The following PAAF1 variants were observed in gnomAD, a reference collection of about 807,000 sequenced individuals.
The protein encoded by PAAF1 is proteasomal ATPase associated factor 1.
PAAF1 carries 46 observed loss-of-function variants against 52.8 expected under a neutral mutation model. That is an observed-to-expected ratio of 0.87 (90% CI 0.69 to 1.11). PAAF1 has a LOEUF of 1.11. Ranked by LOEUF, PAAF1 falls within the 50% of genes most tolerant of loss-of-function variation. PAAF1 has a pLI of 0.00. For missense variants in PAAF1, 424 were observed against 477.4 expected, an observed-to-expected ratio of 0.89 and a Z score of 1.04; for synonymous variants, 178 against 172.8, an observed-to-expected ratio of 1.03 and a Z score of -0.24.
intron 9 of PAAF1, among the ~76,000 whole-genome samples, chr11:73,918,665 A>T (rs1464076449): frequency 6.6e-6 from 1 of 151,884 alleles, no homozygotes; most frequent in Admixed American, 6.6e-5. Flanking sequence ...GTTAAGTGAA[A>T]AGTTTAACAT....
intron 6 of PAAF1, among the ~76,000 whole-genome samples, chr11:73,904,646 G>C (rs1949711120): frequency 6.6e-6 from 1 of 151,646 alleles, no homozygotes; most frequent in Non-Finnish European, 1.5e-5. Flanking sequence ...TTTTTTTTCG[G>C]AGATCTGAGT....
chr11:73,900,344 G>A lies in PAAF1; in HGVS notation c.456G>A (p.Gly152=). ...CATCAGGCCTTGTGGTCCTGAGTGG[G>A]GGAATGGATGCCCAGCTGAAGATAT... is the stretch of plus-strand genomic sequence containing the variant. The part of the protein sequence containing the change: ...FFPSGLVVLS[G]GMDAQLKIWS... Residue 152 remains glycine, a synonymous_variant, in exon 6 of 12, where the codon GGG becomes GGA. Transcript: ENST00000310571. 6.2e-7 allele frequency: 1 copy of A among 1,613,036 alleles called. No homozygotes were observed. The highest frequency in any genetic ancestry group is 8.5e-7 in the Non-Finnish European group (1 of 1,179,218).
chr11:73,925,305 G>T (rs1950324392), intron 11 of PAAF1, among the ~76,000 whole-genome samples: 1 of 150,944 alleles, frequency 6.6e-6, no homozygotes, highest in Non-Finnish European at 1.5e-5. Flanking sequence ...AAAAAATACA[G>T]AAAAATTAGC....
At chr11:73,879,052 A>G (rs1948821395) in intron 2 of PAAF1, 2 of 333,534 alleles carry the variant, frequency 6.0e-6, no homozygotes, top group East Asian at 4.9e-5. Context: ...TTGTTGATGC[A>G]TCTTAATTAG....
intron 4 of PAAF1, among the ~76,000 whole-genome samples, chr11:73,898,546 G>A (rs1356291436): frequency 6.6e-6 from 1 of 152,074 alleles, no homozygotes; most frequent in African/African-American, 2.4e-5. Flanking sequence ...AGCAGGGCTG[G>A]GCACGGTGGC....
At chr11:73,890,311 T>TA (rs1211553551) in intron 3 of PAAF1, among the ~76,000 whole-genome samples, 1 of 152,212 alleles carries the variant, frequency 6.6e-6, no homozygotes, top group Non-Finnish European at 1.5e-5. Context: ...CCAATATTCT[T>TA]ACCTAAAATG....
At chr11:73,877,356 A>G in intron 1 of PAAF1, 1 of 296,102 alleles carries the variant, frequency 3.4e-6, no homozygotes, top group Non-Finnish European at 6.2e-6. Flanking sequence ...GCTTTTGGCC[A>G]AGCAGTCATT....
At position 73,918,762 on chromosome 11, in the gene PAAF1, A is replaced by G. The variant is rs111278886; in HGVS notation, c.936-188A>G. Among the ~76,000 whole-genome samples the G allele has an allele frequency of 2.1e-3, 314 of 152,242 alleles. 2 individuals carry two copies. The highest frequency in any genetic ancestry group is 6.5e-3 in the African/African-American group (270 of 41,544). On this transcript the variant is annotated intron_variant, in intron 9 of 11. Transcript: ENST00000310571. The stretch of plus-strand genomic sequence containing the variant: ...GGTGACTTAGTTCATGTTTAGAGAC[A>G]TGGATGGTTTTTGAATTACCTTAAT...
At position 73,878,763 on chromosome 11, in the gene PAAF1, T is replaced by C. The variant is rs771846952; in HGVS notation, c.48-16T>C. On this transcript the variant is annotated splice_polypyrimidine_tract_variant and intron_variant, in intron 1 of 11. Coordinates refer to ENST00000310571, the MANE Select transcript of PAAF1 (RefSeq NM_025155.3). ...ACTTTGGGTAAGCCTAATTAGGCTT[T>C]TGTCTTTCTTCGTAGGAAGGATGAA... 3.2e-5 allele frequency: 51 copies of C among 1,613,184 alleles called. No individual in the cohort carries two copies. The East Asian group carries it at 1.1e-3, about 35-fold the overall frequency.
At chr11:73,914,826 G>C (rs1384685026) in intron 8 of PAAF1, among the ~76,000 whole-genome samples, 1 of 151,078 alleles carries the variant, frequency 6.6e-6, no homozygotes, top group African/African-American at 2.4e-5. Context: ...TCCTGCATCA[G>C]CCTCCTGAGT....
intron 9 of PAAF1, among the ~76,000 whole-genome samples, chr11:73,918,306 GA>G (rs1309214871): frequency 6.9e-6 from 1 of 145,048 alleles, no homozygotes; most frequent in Non-Finnish European, 1.5e-5. Flanking sequence ...AATTCCAGTA[GA>G]TGGTGACTAG....
intron 2 of PAAF1, chr11:73,886,897 C>G: frequency 2.8e-6 from 1 of 363,148 alleles, no homozygotes; most frequent in Non-Finnish European, 5.5e-6. Context: ...GTGAGAGTGA[C>G]TGAGTTCTCA....
At position 73,927,667 on chromosome 11, in the gene PAAF1, T is replaced by C; in HGVS notation, c.*305T>C. ...TTCTTAAACCAGTTTTGTTAAATGT[T>C]TACAAGGACCTCAGTACTAAAGCCT... On this transcript the variant is annotated 3_prime_UTR_variant, in exon 12 of 12. Coordinates refer to ENST00000310571, the MANE Select transcript of PAAF1 (RefSeq NM_025155.3). 1 of 400,484 alleles carries C rather than the reference T, an allele frequency of 2.5e-6. No individual in the cohort carries two copies. The highest frequency in any genetic ancestry group is 4.5e-6 in the Non-Finnish European group (1 of 220,478). The allele number at this position is 400,484 out of a possible 1,614,324, so 24.8% of individuals were successfully genotyped here.
chr11:73,880,811 T>A (rs1948883205), intron 2 of PAAF1: 1 of 147,198 alleles, frequency 6.8e-6, no homozygotes, highest in African/African-American at 2.5e-5. Flanking sequence ...CCAGCCTGGC[T>A]AACATGGTGA....
chr11:73,913,530 CTATTT>C (rs997835269), intron 7 of PAAF1, among the ~76,000 whole-genome samples: 5 of 152,188 alleles, frequency 3.3e-5, no homozygotes, highest in East Asian at 1.9e-4. Flanking sequence ...TCTTATTTTC[CTATTT>C]TATTTTATTT....
intron 10 of PAAF1, chr11:73,922,146 A>G (rs1464655290): frequency 1.1e-5 from 10 of 937,278 alleles, no homozygotes; most frequent in African/African-American, 1.6e-5. Flanking sequence ...CATGTTTCCA[A>G]TGAGTTCAGT....
At chr11:73,906,724 G>C (rs1464532270) in intron 6 of PAAF1, among the ~76,000 whole-genome samples, 1 of 152,150 alleles carries the variant, frequency 6.6e-6, no homozygotes. Flanking sequence ...GAAATTTCCA[G>C]TAAGACTTGA....
In PAAF1 at chr11:73,883,520, T is replaced by C. The variant is rs567901889; in HGVS notation, c.89-3834T>C. 5.5e-4 allele frequency among the ~76,000 whole-genome samples: 83 copies of C among 152,218 alleles called. No individual in the cohort carries two copies. The South Asian group carries it at 0.016, about 30-fold the overall frequency. On this transcript the variant is annotated intron_variant, in intron 2 of 11. Transcript: ENST00000310571. ...TCTTTCACTTAGTATAATGTTTCTT[T>C]CTTTCTTTTTTTTTTGAGAGTCTCA... is the stretch of plus-strand genomic sequence containing the variant.
intron 6 of PAAF1, among the ~76,000 whole-genome samples, chr11:73,904,552 GC>G (rs1337062935): frequency 1.3e-5 from 2 of 152,000 alleles, no homozygotes; most frequent in Non-Finnish European, 2.9e-5. Flanking sequence ...ATCAGCACTT[GC>G]GCCATTATTT....
Sources: allele counts gnomAD v4.1 joint callset (sites outside exome capture counted in the v4.1 genomes callset), GRCh38; gene constraint gnomAD v4.1.1; transcripts MANE v1.5; gene names NCBI Gene and HGNC (gene_info 2026-07-23, HGNC 2026-07-21).